The following ATP8A2 variants were observed in gnomAD, a reference collection of about 807,000 sequenced individuals.
The protein encoded by ATP8A2 is phospholipid-transporting ATPase IB.
Under a neutral mutation model 165.6 loss-of-function variants are expected in ATP8A2, and 100 were observed. The ratio of observed to expected loss-of-function variants is 0.60; its 90% CI spans 0.51 to 0.71. ATP8A2 has a LOEUF of 0.71. ATP8A2 is among the 30% of genes least tolerant of loss of function. The pLI, the probability that ATP8A2 is intolerant of heterozygous loss-of-function variation, is 0.00. For synonymous variants in ATP8A2, 543 were observed against 548.8 expected (o/e 0.99, Z 0.15); for missense variants, 1,227 against 1,479.5 (o/e 0.83, Z 2.80).
intron 1 of ATP8A2, among the ~76,000 whole-genome samples, chr13:25,400,928 A>G (rs1379258891): frequency 2.0e-5 from 3 of 152,218 alleles, no homozygotes; most frequent in Non-Finnish European, 4.4e-5. Flanking sequence ...GGAAGGATGT[A>G]TTATGCATGT....
At chr13:25,792,769 A>G (rs926461677) in intron 27 of ATP8A2, among the ~76,000 whole-genome samples, 1 of 151,818 alleles carries the variant, frequency 6.6e-6, no homozygotes, top group Non-Finnish European at 1.5e-5. Flanking sequence ...GAAAGAAAAA[A>G]AATAGCCGGG....
At chr13:25,418,649 G>T (rs181705715) in intron 1 of ATP8A2, among the ~76,000 whole-genome samples, 99 of 152,200 alleles carry the variant, frequency 6.5e-4, no homozygotes, top group African/African-American at 2.0e-3. Context: ...CAGTATGGTG[G>T]GAGCAATGAG....
At chr13:25,970,939 C>T (rs1955897227) in intron 35 of ATP8A2, among the ~76,000 whole-genome samples, 1 of 152,122 alleles carries the variant, frequency 6.6e-6, no homozygotes, top group Admixed American at 6.5e-5. Context: ...TTCCTACCGT[C>T]TACATTTGAA....
intron 1 of ATP8A2, among the ~76,000 whole-genome samples, chr13:25,407,524 GAGTA>G (rs1262875664): frequency 6.6e-6 from 1 of 152,206 alleles, no homozygotes; most frequent in African/African-American, 2.4e-5. Context: ...AGTCAGTAAA[GAGTA>G]AGAAAAGATG....
chr13:25,653,775 A>G (rs770974867), intron 24 of ATP8A2, among the ~76,000 whole-genome samples: 1 of 152,126 alleles, frequency 6.6e-6, no homozygotes, highest in Non-Finnish European at 1.5e-5. Context: ...AATAGGAGAG[A>G]AGATGTAGAG....
rs377641133 is a variant in ATP8A2, at chr13:25,418,629, G to A, written c.76+46341G>A. Among the ~76,000 whole-genome samples the A allele has an allele frequency of 3.9e-5, 6 of 152,264 alleles. No individual in the cohort carries two copies. The South Asian group carries it at 8.3e-4, about 21-fold the overall frequency. On this transcript the variant is annotated intron_variant, in intron 1 of 36. Transcript: ENST00000381655. ...GAATGTGCAAATAGAGGCCAAAATGGCATCTTCCACAGTATGGTGGGAGCA... is the reference window on the plus strand; with the variant it reads ...GAATGTGCAAATAGAGGCCAAAATGACATCTTCCACAGTATGGTGGGAGCA...
intron 18 of ATP8A2, among the ~76,000 whole-genome samples, chr13:25,574,330 A>G (rs2039554329): frequency 6.6e-6 from 1 of 152,198 alleles, no homozygotes; most frequent in African/African-American, 2.4e-5. Context: ...TGGCAGCAAA[A>G]CCTAATCAGA....
At chr13:25,411,793 G>A (rs542150798) in intron 1 of ATP8A2, among the ~76,000 whole-genome samples, 1 of 152,292 alleles carries the variant, frequency 6.6e-6, no homozygotes, top group African/African-American at 2.4e-5. Context: ...AATGTGATTG[G>A]AGAGTTAATA....
chr13:25,455,233 C>A (rs531947105), intron 1 of ATP8A2, among the ~76,000 whole-genome samples: 1 of 152,156 alleles, frequency 6.6e-6, no homozygotes, highest in African/African-American at 2.4e-5. Context: ...GGACCTGATA[C>A]GAGACTCCTT....
At position 25,774,872 on chromosome 13, in the gene ATP8A2, G is replaced by T. The variant is rs1180658169; in HGVS notation, c.2592G>T (p.Leu864=). 1 of 1,613,084 alleles carries T rather than the reference G, an allele frequency of 6.2e-7. No homozygotes were observed. The highest frequency in any genetic ancestry group is 2.2e-5 in the East Asian group (1 of 44,870). Residue 864 remains leucine (L), a synonymous_variant, in exon 27 of 37, where the codon CTG becomes CTT. Coordinates refer to ENST00000381655, the MANE Select transcript of ATP8A2 (RefSeq NM_016529.6). ...IAQFSYLEKL[L]LVHGAWSYNR... Reference sequence around the variant, plus strand: ...AGTTTTCCTACTTAGAGAAGCTTCTGTTGGTTCATGGAGCCTGGAGCTACA... The same window carrying T: ...AGTTTTCCTACTTAGAGAAGCTTCTTTTGGTTCATGGAGCCTGGAGCTACA...
chr13:26,014,388 A>G (rs1956918440), intron 36 of ATP8A2, among the ~76,000 whole-genome samples: 1 of 152,210 alleles, frequency 6.6e-6, no homozygotes, highest in African/African-American at 2.4e-5. Flanking sequence ...TTGACTGACT[A>G]AAATTAGGGG....
chr13:25,686,637 A>G (rs996864411), intron 24 of ATP8A2, among the ~76,000 whole-genome samples: 1 of 152,182 alleles, frequency 6.6e-6, no homozygotes, highest in Non-Finnish European at 1.5e-5. Context: ...ATTTTGGCTT[A>G]AAAATATTTC....
intron 15 of ATP8A2, among the ~76,000 whole-genome samples, chr13:25,560,493 A>G (rs2039109388): frequency 6.6e-6 from 1 of 152,010 alleles, no homozygotes; most frequent in Admixed American, 6.5e-5. Flanking sequence ...GGACGTCAGG[A>G]GTTCGAGACC....
rs1465577475 is a variant in ATP8A2, at chr13:25,480,335, C to T, written c.221+11214C>T. On this transcript the variant is annotated intron_variant, in intron 2 of 36. Coordinates refer to ENST00000381655, the MANE Select transcript of ATP8A2 (RefSeq NM_016529.6). The stretch of plus-strand genomic sequence containing the variant: ...CCTCCCGGACGGGGCGGCTGCCGGG[C>T]GGAGACGCTCCTCACTTCCCAGACT... Among the ~76,000 whole-genome samples, 41 of 151,558 alleles carry T rather than the reference C, an allele frequency of 2.7e-4. 1 individual carries two copies. The East Asian group carries it at 7.9e-3, about 29-fold the overall frequency.
At chr13:25,531,509 A>T (rs1245450714) in intron 4 of ATP8A2, among the ~76,000 whole-genome samples, 16 of 149,220 alleles carry the variant, frequency 1.1e-4, no homozygotes, top group Non-Finnish European at 5.9e-5. Context: ...CTGTCTCTGG[A>T]TCTTCCTCTC....
At chr13:25,936,058 TG>T (rs1315484752) in intron 33 of ATP8A2, among the ~76,000 whole-genome samples, 9 of 152,172 alleles carry the variant, frequency 5.9e-5, no homozygotes, top group African/African-American at 2.2e-4. Context: ...GCCTTAGAAA[TG>T]GGGTATGTCA....
At chr13:25,434,105 CG>C (rs140745357) in intron 1 of ATP8A2, among the ~76,000 whole-genome samples, 2,258 of 152,172 alleles carry the variant, frequency 0.015, 58 homozygotes, top group African/African-American at 0.052. Flanking sequence ...CATGTACCCC[CG>C]AATGTAAAAA....
intron 27 of ATP8A2, among the ~76,000 whole-genome samples, chr13:25,796,843 A>G (rs1001402510): frequency 1.2e-4 from 19 of 152,118 alleles, no homozygotes; most frequent in African/African-American, 4.6e-4. Flanking sequence ...TAGTTCTTCT[A>G]TATTACTTGG....
intron 35 of ATP8A2, among the ~76,000 whole-genome samples, chr13:26,010,370 G>A (rs1956821479): frequency 6.6e-6 from 1 of 152,190 alleles, no homozygotes; most frequent in African/African-American, 2.4e-5. Flanking sequence ...GTGGTCCAGG[G>A]GCATGGGGGC....
Sources: allele counts gnomAD v4.1 joint callset (sites outside exome capture counted in the v4.1 genomes callset), GRCh38; gene constraint gnomAD v4.1.1; transcripts MANE v1.5; gene names NCBI Gene and HGNC (gene_info 2026-07-23, HGNC 2026-07-21).